Variants in NECAB1 observed in about 807,000 individuals in gnomAD.
The protein encoded by NECAB1 is N-terminal EF-hand calcium binding protein 1.
Under a neutral mutation model 57.5 loss-of-function variants are expected in NECAB1, and 29 were observed. That is an observed-to-expected ratio of 0.50 (90% CI 0.38 to 0.69). NECAB1 has a LOEUF of 0.69. NECAB1 is among the 30% of genes least tolerant of loss of function. The pLI, the probability that NECAB1 is intolerant of heterozygous loss-of-function variation, is 0.00. For synonymous variants in NECAB1, 142 were observed against 147.7 expected (o/e 0.96, Z 0.28); for missense variants, 372 against 413.8 (o/e 0.90, Z 0.88).
chr8:90,814,611 T>C (rs769640999), intron 2 of NECAB1, among the ~76,000 whole-genome samples: 1 of 152,214 alleles, frequency 6.6e-6, no homozygotes, highest in Non-Finnish European at 1.5e-5. Flanking sequence ...CCAATATTAC[T>C]CAATTTGTTT....
chr8:90,952,790 T>TA (rs1810947116), intron 12 of NECAB1, among the ~76,000 whole-genome samples: 1 of 88,206 alleles, frequency 1.1e-5, no homozygotes, highest in East Asian at 5.9e-4. Context: ...AAAACAATAA[T>TA]AATAAAATTA....
chr8:90,913,690 G>A (rs547151046), intron 5 of NECAB1, among the ~76,000 whole-genome samples: 1 of 152,160 alleles, frequency 6.6e-6, no homozygotes, highest in East Asian at 1.9e-4. Flanking sequence ...GAATTAAAAG[G>A]GCCAGGATTT....
intron 2 of NECAB1, among the ~76,000 whole-genome samples, chr8:90,823,471 T>C (rs1812177676): frequency 6.6e-6 from 1 of 151,862 alleles, no homozygotes; most frequent in Non-Finnish European, 1.5e-5. Flanking sequence ...TCCTTTATAA[T>C]AAAAATTCAA....
chr8:90,903,238 A>G (rs1201644357), intron 5 of NECAB1, among the ~76,000 whole-genome samples: 1 of 152,116 alleles, frequency 6.6e-6, no homozygotes, highest in Admixed American at 6.5e-5. Flanking sequence ...GAGTTATACA[A>G]CGACCACTGC....
intron 10 of NECAB1, among the ~76,000 whole-genome samples, chr8:90,945,091 T>A (rs985825426): frequency 1.3e-5 from 2 of 151,762 alleles, no homozygotes; most frequent in African/African-American, 4.8e-5. Flanking sequence ...TGAGATGGAG[T>A]CTCGCTCTGT....
In NECAB1 at chr8:90,945,442, C is replaced by T. The variant is rs563594156; in HGVS notation, c.861-4365C>T. 3.3e-5 allele frequency among the ~76,000 whole-genome samples: 5 copies of T among 152,252 alleles called. No homozygotes were observed. In the South Asian group the frequency reaches 6.2e-4, roughly 19 times the overall value. On this transcript the variant is annotated intron_variant, in intron 10 of 12. Coordinates refer to ENST00000417640, the MANE Select transcript of NECAB1 (RefSeq NM_022351.5). ...CTTGAACTCCTGGACTCAAGTGATC[C>T]GCCCACCTCGGCCTCCCAAAGTATT...
At chr8:90,829,689 G>C (rs1318091715) in intron 3 of NECAB1, among the ~76,000 whole-genome samples, 1 of 152,016 alleles carries the variant, frequency 6.6e-6, no homozygotes, top group Non-Finnish European at 1.5e-5. Flanking sequence ...CCCAGTACTT[G>C]TTAAATCACT....
chr8:90,811,230 C>T (rs143254847), intron 2 of NECAB1, among the ~76,000 whole-genome samples: 2,784 of 152,218 alleles, frequency 0.018, 32 homozygotes, highest in Middle Eastern at 0.051. Context: ...GGATTACAGG[C>T]GTGAGCCACT....
At chr8:90,955,438 G>T (rs763442482) in intron 12 of NECAB1, 49 bp from the exon 13 acceptor site, 1 of 1,390,246 alleles carries the variant, frequency 7.2e-7, no homozygotes. Flanking sequence ...AATGTTCTTT[G>T]CCCTATAAGT....
At chr8:90,918,166 C>A (rs191320494) in intron 6 of NECAB1, among the ~76,000 whole-genome samples, 1 of 150,792 alleles carries the variant, frequency 6.6e-6, no homozygotes, top group Non-Finnish European at 1.5e-5. Flanking sequence ...CACACCACCA[C>A]GTCCAGCTAA....
At chr8:90,814,154 A>G (rs1812018473) in intron 2 of NECAB1, among the ~76,000 whole-genome samples, 1 of 152,224 alleles carries the variant, frequency 6.6e-6, no homozygotes, top group Admixed American at 6.5e-5. Flanking sequence ...TTCAAGGAGT[A>G]CTAGGTCTGC....
intron 2 of NECAB1, among the ~76,000 whole-genome samples, chr8:90,805,344 C>T (rs547915594): frequency 1.4e-5 from 2 of 140,590 alleles, no homozygotes; most frequent in African/African-American, 2.6e-5. Context: ...GAAGAAGAGG[C>T]AATAGGCAGT....
intron 3 of NECAB1, among the ~76,000 whole-genome samples, chr8:90,833,052 A>G (rs1185663914): frequency 2.0e-5 from 3 of 152,116 alleles, no homozygotes; most frequent in Non-Finnish European, 4.4e-5. Flanking sequence ...TTCTCTTTTT[A>G]TATCTATTAT....
intron 3 of NECAB1, among the ~76,000 whole-genome samples, chr8:90,829,878 T>C (rs182537422): frequency 2.6e-4 from 40 of 152,212 alleles, no homozygotes; most frequent in Admixed American, 2.6e-3. Flanking sequence ...TGACAAGTCT[T>C]TCTAATATTT....
rs563041799 is a variant in NECAB1, at chr8:90,878,339, G to A, written c.260-2694G>A. On this transcript the variant is annotated intron_variant, in intron 4 of 12. Transcript: ENST00000417640. ...TGGCACATAAAAGGCCCTAAGTAAAGGTTTGTTAGGCCACAGAATGAGTAA... is the reference window on the plus strand; with the variant it reads ...TGGCACATAAAAGGCCCTAAGTAAAAGTTTGTTAGGCCACAGAATGAGTAA... Among the ~76,000 whole-genome samples the A allele has an allele frequency of 2.1e-4, 32 of 152,234 alleles. 2 individuals carry two copies. In the South Asian group the frequency reaches 3.9e-3, roughly 19 times the overall value.
At chr8:90,944,757 C>A (rs1810758879) in intron 10 of NECAB1, among the ~76,000 whole-genome samples, 3 of 152,116 alleles carry the variant, frequency 2.0e-5, no homozygotes, top group Admixed American at 6.5e-5. Flanking sequence ...AGTCACTCAG[C>A]TACGAAATTC....
intron 5 of NECAB1, among the ~76,000 whole-genome samples, chr8:90,908,226 A>G (rs1809741764): frequency 6.6e-6 from 1 of 152,138 alleles, no homozygotes; most frequent in Non-Finnish European, 1.5e-5. Context: ...ACTTTGTCTC[A>G]TGTGTATTCC....
chr8:90,844,436 ATCTCAGTCC>A (rs1190107770), intron 3 of NECAB1, among the ~76,000 whole-genome samples: 1 of 152,176 alleles, frequency 6.6e-6, no homozygotes, highest in African/African-American at 2.4e-5. Flanking sequence ...CTTCAAAATT[ATCTCAGTCC>A]TTCTGGCCAG....
chr8:90,821,738 G>A (rs1022104499), intron 2 of NECAB1, among the ~76,000 whole-genome samples: 9 of 149,800 alleles, frequency 6.0e-5, no homozygotes, highest in Admixed American at 2.7e-4. Context: ...TTATTATATC[G>A]TACCATTTAC....
Sources: allele counts gnomAD v4.1 joint callset (sites outside exome capture counted in the v4.1 genomes callset), GRCh38; gene constraint gnomAD v4.1.1; transcripts MANE v1.5; gene names NCBI Gene and HGNC (gene_info 2026-07-23, HGNC 2026-07-21).